Variants in RCOR1 observed in about 807,000 individuals in gnomAD.
RCOR1 encodes the protein REST corepressor.
In RCOR1, 12 loss-of-function variants were observed where a neutral mutation model predicts 64.0. That is an observed-to-expected ratio of 0.19 (90% confidence interval 0.12 to 0.30). RCOR1 has a LOEUF of 0.30. Among genes scored for constraint, RCOR1 ranks in the 10% least tolerant of loss-of-function variants. The pLI is 1.00. For synonymous variants in RCOR1, 279 were observed against 227.2 expected (o/e 1.23, Z -2.05); for missense variants, 502 against 621.2 (o/e 0.81, Z 2.04).
chr14:102,702,687 C>A (rs1340763198), intron 4 of RCOR1, among the ~76,000 whole-genome samples: 1 of 152,088 alleles, frequency 6.6e-6, no homozygotes, highest in Non-Finnish European at 1.5e-5. Flanking sequence ...CTGATCCTCA[C>A]AATGGAGGCA....
intron 7 of RCOR1, among the ~76,000 whole-genome samples, chr14:102,711,385 G>A (rs2139987654): frequency 6.6e-6 from 1 of 152,302 alleles, no homozygotes; most frequent in South Asian, 2.1e-4. Context: ...CCCATCCTAG[G>A]CACCCATGCC....
chr14:102,621,318 G>A (rs183649157), intron 2 of RCOR1, among the ~76,000 whole-genome samples: 22 of 151,052 alleles, frequency 1.5e-4, no homozygotes, highest in African/African-American at 4.6e-4. Flanking sequence ...CTTCTTAGGA[G>A]GCATTTGAAT....
At chr14:102,599,843 C>T (rs1893349427) in intron 2 of RCOR1, among the ~76,000 whole-genome samples, 1 of 148,614 alleles carries the variant, frequency 6.7e-6, no homozygotes, top group South Asian at 2.1e-4. Context: ...TGCTCTGTCA[C>T]ACAGGCTAGA....
At chr14:102,609,608 T>G (rs2139888202) in intron 2 of RCOR1, among the ~76,000 whole-genome samples, 1 of 150,332 alleles carries the variant, frequency 6.7e-6, no homozygotes, top group Middle Eastern at 3.5e-3. Flanking sequence ...TGTGGCTAAT[T>G]TTTTTTTTGT....
At chr14:102,655,557 CAT>C in intron 2 of RCOR1, 1 of 912,378 alleles carries the variant, frequency 1.1e-6, no homozygotes, top group African/African-American at 1.8e-5. Context: ...ATTACAAGCT[CAT>C]ATTTGTGAAA....
intron 2 of RCOR1, among the ~76,000 whole-genome samples, chr14:102,648,045 C>T (rs1261902233): frequency 6.6e-6 from 1 of 152,116 alleles, no homozygotes; most frequent in Non-Finnish European, 1.5e-5. Flanking sequence ...CAAGCTGACT[C>T]CTGTGTCCTT....
Position 102,704,525 on chromosome 14 carries a change from G to A in RCOR1, c.499-2826G>A, listed in dbSNP as rs142718994. Reference sequence around the variant, plus strand: ...CAGCTCACTACAACCTCCGCCTCTCGGGTTCAAACAATTCTCCTGCCTCAG... The same window carrying A: ...CAGCTCACTACAACCTCCGCCTCTCAGGTTCAAACAATTCTCCTGCCTCAG... On this transcript the variant is annotated intron_variant, in intron 4 of 11. Coordinates refer to ENST00000262241, the MANE Select transcript of RCOR1 (RefSeq NM_015156.4). Among the ~76,000 whole-genome samples, 1,379 of 152,258 alleles carry A rather than the reference G, an allele frequency of 9.1e-3. 25 individuals are homozygous for A. Among genetic ancestry groups the A allele is most frequent in the East Asian group, 0.049 (252 of 5,180 alleles).
At chr14:102,713,590 C>A (rs554992386) in intron 7 of RCOR1, among the ~76,000 whole-genome samples, 1 of 152,212 alleles carries the variant, frequency 6.6e-6, no homozygotes, top group South Asian at 2.1e-4. Flanking sequence ...CCACCTGGCC[C>A]GTAGTTTTTT....
chr14:102,592,838 T>C lies in RCOR1; in HGVS notation c.-49T>C, dbSNP rs1196365408. 6.9e-6 allele frequency: 8 copies of C among 1,165,688 alleles called. No individual in the cohort carries two copies. Among genetic ancestry groups the C allele is most frequent in the Non-Finnish European group, 2.1e-6 (2 of 949,430 alleles). The allele number at this position is 1,165,688 out of a possible 1,614,324, so 72.2% of individuals were successfully genotyped here. ...CCTCCCCCGTCTCGGCGCCCCCTCC[T>C]CAGGAGCCGCGGGTCCCCGCCACTT... On this transcript the variant is annotated 5_prime_UTR_variant, in exon 1 of 12. Transcript: ENST00000262241.
At chr14:102,678,049 G>A (rs1212402875) in intron 2 of RCOR1, among the ~76,000 whole-genome samples, 2 of 150,554 alleles carry the variant, frequency 1.3e-5, no homozygotes, top group Admixed American at 6.6e-5. Flanking sequence ...AAAAAAAAAC[G>A]AAAACCAGTC....
intron 5 of RCOR1, 140 bp downstream of exon 5, chr14:102,707,652 C>A: frequency 1.4e-6 from 1 of 719,476 alleles, no homozygotes; most frequent in Non-Finnish European, 2.2e-6. Flanking sequence ...CAGCTTAGTA[C>A]ATGCTGCTCT....
chr14:102,658,180 G>A (rs1894764233), intron 2 of RCOR1, among the ~76,000 whole-genome samples: 1 of 152,060 alleles, frequency 6.6e-6, no homozygotes. Flanking sequence ...TCACCATATT[G>A]GTGAGGCTGG....
intron 2 of RCOR1, among the ~76,000 whole-genome samples, chr14:102,604,566 G>T (rs1893466005): frequency 6.6e-6 from 1 of 152,204 alleles, no homozygotes; most frequent in Admixed American, 6.5e-5. Context: ...CAGAGGCATT[G>T]AGAGGCTTAG....
rs200264030 is a variant in RCOR1, at chr14:102,714,539, G to T, written c.975G>T (p.Glu325Asp). Residue 325 changes from glutamate to aspartate, a missense_variant, in exon 8 of 12, where the codon GAG becomes GAT. Physicochemically the swap from Glu to Asp is conservative, Grantham distance 45. Coordinates refer to ENST00000262241, the MANE Select transcript of RCOR1 (RefSeq NM_015156.4). Reference sequence around the variant, plus strand: ...TGTTTCTTTCTCAAGAAGATGTGGAGGCTGTTTCTGCCAATGCCACTGCTG... The same window carrying T: ...TGTTTCTTTCTCAAGAAGATGTGGATGCTGTTTCTGCCAATGCCACTGCTG... ...KGMFLSQEDV[E>D]AVSANATAAT... The T allele has an allele frequency of 2.1e-5, 34 of 1,613,968 alleles. No homozygotes were observed. Among genetic ancestry groups the T allele is most frequent in the Non-Finnish European group, 2.8e-5 (33 of 1,179,974 alleles).
chr14:102,646,829 A>T (rs1683921652), intron 2 of RCOR1, among the ~76,000 whole-genome samples: 2 of 152,258 alleles, frequency 1.3e-5, no homozygotes, highest in Admixed American at 6.5e-5. Context: ...GTGTGCACAC[A>T]CGTGCGCTCA....
intron 2 of RCOR1, among the ~76,000 whole-genome samples, chr14:102,614,594 T>C (rs1467493811): frequency 1.3e-5 from 2 of 152,158 alleles, no homozygotes; most frequent in Admixed American, 6.6e-5. Flanking sequence ...TGTCAGATGA[T>C]TAACTATCAT....
chr14:102,653,973 TTCTTTC>T (rs1894660107), intron 2 of RCOR1, among the ~76,000 whole-genome samples: 1 of 49,704 alleles, frequency 2.0e-5, no homozygotes, highest in Non-Finnish European at 3.6e-5. Context: ...CTTTCTTTCT[TTCTTTC>T]TTTCTTTTTT....
intron 4 of RCOR1, among the ~76,000 whole-genome samples, chr14:102,704,809 T>G (rs1316788730): frequency 6.6e-6 from 1 of 152,152 alleles, no homozygotes. Flanking sequence ...CTGGACAACA[T>G]GGCAAAATCC....
chr14:102,616,742 T>TGGCTCCCTACAAGCCATGTTC (rs1462464032), intron 2 of RCOR1, among the ~76,000 whole-genome samples: 7 of 152,188 alleles, frequency 4.6e-5, no homozygotes, highest in Non-Finnish European at 1.0e-4. Context: ...CCCATGTGTT[T>TGGCTCCCTACAAGCCATGTTC]GGCTCCCTAC....
Sources: gnomAD v4.1 joint callset for allele counts (sites outside exome capture counted in the v4.1 genomes callset) on GRCh38, gnomAD v4.1.1 for gene constraint, MANE v1.5 for transcripts, NCBI Gene and HGNC (gene_info 2026-07-23, HGNC 2026-07-21) for gene names.